BLM: variants seen among roughly 807,000 people sequenced by gnomAD.
The protein encoded by BLM is recQ-like DNA helicase BLM.
Under a neutral mutation model 135.3 loss-of-function variants are expected in BLM, and 95 were observed. The ratio of observed to expected loss-of-function variants is 0.70; its 90% CI spans 0.59 to 0.83. The LOEUF (loss-of-function observed/expected upper bound fraction) is 0.83, where lower values mean the gene tolerates loss of function less well. BLM is among the 40% of genes least tolerant of loss of function. The probability of loss-of-function intolerance (pLI) is 0.00; values close to 1 mark genes in which losing one functional copy is unlikely to be tolerated. For missense variants in BLM, 1,518 were observed against 1,663.9 expected (o/e 0.91, Z 1.53); for synonymous variants, 520 against 589.2 (o/e 0.88, Z 1.70).
rs758297574 is a variant in BLM at position 90,749,535 on chromosome 15, C to T, written c.267C>T (p.Phe89=). Residue 89 remains phenylalanine (F), a synonymous_variant, in exon 3 of 22, where the codon TTC becomes TTT. Transcript: ENST00000355112. ...CAAATCAGCAAAGGGTCAAGGACTT[C>T]TTTAAAAATGCTCCAGCAGGACAGG... ...NTTNQQRVKD[F]FKNAPAGQET... The T allele has an allele frequency of 1.1e-5, 17 of 1,614,032 alleles. No individual in the cohort carries two copies. Among genetic ancestry groups the T allele is most frequent in the Non-Finnish European group, 1.4e-5 (17 of 1,180,048 alleles).
Position 90,769,185 on chromosome 15 carries a change from A to G in BLM, c.2360A>G (p.Lys787Arg), listed in dbSNP as rs778695045. 8.7e-6 allele frequency: 14 copies of G among 1,613,866 alleles called. No individual in the cohort carries two copies. Among genetic ancestry groups the G allele is most frequent in the Middle Eastern group, 1.6e-4 (1 of 6,084 alleles). The change falls in exon 11 of 22, where the codon AAG (lysine) becomes AGG (arginine). Residue 787 changes from lysine (K) to arginine (R), a missense_variant. Transcript: ENST00000355112. Reference sequence around the variant, plus strand: ...ACTCTGGAGAATCTCTATGAGAGGAAGCTCTTGGCACGTTTTGTTATTGAT... The same window carrying G: ...ACTCTGGAGAATCTCTATGAGAGGAGGCTCTTGGCACGTTTTGTTATTGAT... ...ISTLENLYERKLLARFVIDEA... is the reference protein window; with the variant it reads ...ISTLENLYERRLLARFVIDEA...
chr15:90,793,947 GA>G (rs200858224), intron 15 of BLM: 1,184 of 287,444 alleles, frequency 4.1e-3, no homozygotes, highest in Middle Eastern at 7.4e-3. Flanking sequence ...ATGAAGATTT[GA>G]AAAAAAAAAA....
intron 20 of BLM, among the ~76,000 whole-genome samples, chr15:90,810,839 C>A (rs1567066581): frequency 6.6e-6 from 1 of 152,120 alleles, no homozygotes; most frequent in Non-Finnish European, 1.5e-5. Context: ...AAATTGCCTG[C>A]CATCTTTATA....
intron 12 of BLM, among the ~76,000 whole-genome samples, chr15:90,775,764 A>C (rs2151172350): frequency 6.6e-6 from 1 of 152,196 alleles, no homozygotes; most frequent in East Asian, 1.9e-4. Flanking sequence ...CACCCGCCCC[A>C]GCCTCCCAAA....
At chr15:90,809,869 G>C (rs1278025804) in intron 20 of BLM, among the ~76,000 whole-genome samples, 4 of 152,104 alleles carry the variant, frequency 2.6e-5, no homozygotes, top group African/African-American at 4.8e-5. Context: ...GGGGAAATGA[G>C]AACAACAAAG....
intron 14 of BLM, among the ~76,000 whole-genome samples, chr15:90,786,011 T>C (rs1380470592): frequency 1.9e-4 from 27 of 145,510 alleles, no homozygotes; most frequent in Non-Finnish European, 3.6e-4. Flanking sequence ...TTTTTTTTTT[T>C]TTTTTTTTTT....
At chr15:90,767,982 C>G (rs934632629) in intron 10 of BLM, among the ~76,000 whole-genome samples, 1 of 148,926 alleles carries the variant, frequency 6.7e-6, no homozygotes, top group African/African-American at 2.5e-5. Flanking sequence ...GAGTCTCACT[C>G]TGTCACCCAG....
chr15:90,766,873 G>A, intron 9 of BLM, 37 bp from the exon 10 acceptor site: 1 of 1,316,902 alleles, frequency 7.6e-7, no homozygotes, highest in Non-Finnish European at 1.1e-6. Context: ...TCAGGTTAAT[G>A]TATAAAATTG....
intron 17 of BLM, among the ~76,000 whole-genome samples, chr15:90,802,553 G>T (rs2151193492): frequency 6.6e-6 from 1 of 152,264 alleles, no homozygotes; most frequent in Middle Eastern, 3.4e-3. Context: ...TCATTAGTGA[G>T]GGTGACAAAA....
Position 90,803,501 on chromosome 15 carries a change from T to C in BLM, c.3359-20T>C. The C allele has an allele frequency of 6.2e-7, 1 of 1,602,142 alleles. No individual in the cohort carries two copies. The highest frequency in any genetic ancestry group is 1.1e-5 in the South Asian group (1 of 90,790). ...ATATACGTACATTTACTCATCTTACTTCCTGTATCTTCTTATCAGGGAGTA... is the reference window on the plus strand; with the variant it reads ...ATATACGTACATTTACTCATCTTACCTCCTGTATCTTCTTATCAGGGAGTA... On this transcript the variant is annotated intron_variant, in intron 17 of 21. Coordinates refer to ENST00000355112, the MANE Select transcript of BLM (RefSeq NM_000057.4).
chr15:90,809,300 AT>A (rs1374896811), intron 20 of BLM, 41 bp downstream of exon 20: 7 of 1,613,778 alleles, frequency 4.3e-6, no homozygotes, highest in Non-Finnish European at 5.9e-6. Flanking sequence ...AGCCTGTTTA[AT>A]GTGAAGCGAC....
At chr15:90,734,794 A>T (rs1194105513) in intron 1 of BLM, among the ~76,000 whole-genome samples, 1 of 152,054 alleles carries the variant, frequency 6.6e-6, no homozygotes, top group Non-Finnish European at 1.5e-5. Context: ...TTTTACTAAG[A>T]TTGAGAAAAA....
intron 7 of BLM, chr15:90,762,295 C>T (rs552922411): frequency 1.3e-5 from 2 of 152,520 alleles, no homozygotes; most frequent in South Asian, 4.1e-4. Context: ...CAGATGACTC[C>T]AAGGTTTCAG....
At chr15:90,772,083 T>C (rs149545246) in intron 12 of BLM, among the ~76,000 whole-genome samples, 1 of 152,316 alleles carries the variant, frequency 6.6e-6, no homozygotes, top group African/African-American at 2.4e-5. Flanking sequence ...CTTAATGTGT[T>C]TGGCACTTCT....
Position 90,793,138 on chromosome 15 carries a change from CT to C in BLM, c.3020-1015del, listed in dbSNP as rs572226744. On this transcript the variant is annotated intron_variant, in intron 15 of 21. Transcript: ENST00000355112. ...AATAATATTTTTTAAAAATTATTTTCTTTTTTTTTTTTTTGAGACGGAGTTG... is the reference window on the plus strand; with the variant it reads ...AATAATATTTTTTAAAAATTATTTTCTTTTTTTTTTTTTGAGACGGAGTTG... Among the ~76,000 whole-genome samples the C allele has an allele frequency of 5.1e-3, 720 of 141,810 alleles. 5 individuals carry two copies. The highest frequency in any genetic ancestry group is 0.016 in the South Asian group (71 of 4,480). 93.0% of individuals were successfully genotyped at this position (141,810 alleles called of 152,430 possible).
intron 16 of BLM, among the ~76,000 whole-genome samples, chr15:90,797,314 G>A (rs561295822): frequency 1.8e-4 from 28 of 151,594 alleles, no homozygotes; most frequent in Middle Eastern, 3.4e-3. Flanking sequence ...TACTCAGGAG[G>A]CTGAGGCAGG....
At chr15:90,747,359 C>T (rs1895530732) in intron 1 of BLM, 30 bp from the exon 2 acceptor site, 1 of 1,527,988 alleles carries the variant, frequency 6.5e-7, no homozygotes, top group African/African-American at 1.4e-5. Flanking sequence ...GTACCTAACT[C>T]CACTGATTTC....
intron 8 of BLM, among the ~76,000 whole-genome samples, chr15:90,763,874 GTACC>G (rs1896051891): frequency 6.6e-6 from 1 of 152,180 alleles, no homozygotes; most frequent in South Asian, 2.1e-4. Context: ...TGCAGTTTCA[GTACC>G]TATGTGTAGT....
At chr15:90,739,476 A>G (rs1402599365) in intron 1 of BLM, among the ~76,000 whole-genome samples, 1 of 152,168 alleles carries the variant, frequency 6.6e-6, no homozygotes, top group African/African-American at 2.4e-5. Flanking sequence ...CTCCGGAGGC[A>G]GAGGTGGGAG....
Sources: gnomAD v4.1 joint callset for allele counts (sites outside exome capture counted in the v4.1 genomes callset) on GRCh38, gnomAD v4.1.1 for gene constraint, MANE v1.5 for transcripts, NCBI Gene and HGNC (gene_info 2026-07-23, HGNC 2026-07-21) for gene names.